The following ANKRD31 variants were observed in gnomAD, a reference collection of about 807,000 sequenced individuals.
The protein encoded by ANKRD31 is ankyrin repeat domain-containing protein 31.
Under a neutral mutation model 186.0 loss-of-function variants are expected in ANKRD31, and 147 were observed. The ratio of observed to expected loss-of-function variants is 0.79; its 90% CI spans 0.69 to 0.91. The LOEUF is 0.91. Ranked by LOEUF, ANKRD31 falls within the 40% of genes least tolerant of loss-of-function variation. ANKRD31 has a pLI of 0.00. For missense variants in ANKRD31, 1,986 were observed against 2,148.8 expected (o/e 0.92, Z 1.50); for synonymous variants, 673 against 736.4 (o/e 0.91, Z 1.39).
At chr5:75,194,229 T>C (rs1580532062) in intron 7 of ANKRD31, among the ~76,000 whole-genome samples, 2 of 152,270 alleles carry the variant, frequency 1.3e-5, no homozygotes, top group East Asian at 3.9e-4. Flanking sequence ...GCTGAGTAAA[T>C]GAGTATATTA....
intron 11 of ANKRD31, among the ~76,000 whole-genome samples, chr5:75,158,770 C>T (rs1242184545): frequency 1.3e-5 from 2 of 151,952 alleles, no homozygotes; most frequent in Admixed American, 1.3e-4. Flanking sequence ...CCAGCCTGGG[C>T]AACAGAGTGA....
intron 4 of ANKRD31, among the ~76,000 whole-genome samples, chr5:75,207,357 AC>A (rs1212892048): frequency 6.6e-6 from 1 of 152,172 alleles, no homozygotes; most frequent in African/African-American, 2.4e-5. Context: ...TTTTTTAAGA[AC>A]AAGCTGAAAG....
chr5:75,153,283 G>T (rs915216577), intron 12 of ANKRD31, among the ~76,000 whole-genome samples: 2 of 152,096 alleles, frequency 1.3e-5, no homozygotes, highest in African/African-American at 4.8e-5. Flanking sequence ...CAGTTAAACT[G>T]CTCCCAGAAT....
At chr5:75,072,723 A>G (rs1561390568) in intron 25 of ANKRD31, among the ~76,000 whole-genome samples, 1 of 152,216 alleles carries the variant, frequency 6.6e-6, no homozygotes, top group East Asian at 1.9e-4. Context: ...GCACAGAGAG[A>G]TCACGAATAT....
At chr5:75,070,344 C>T (rs1744123372) in intron 25 of ANKRD31, among the ~76,000 whole-genome samples, 1 of 152,080 alleles carries the variant, frequency 6.6e-6, no homozygotes, top group African/African-American at 2.4e-5. Context: ...TGGTCTTTTC[C>T]TCTATAAGAT....
rs776217270 is a variant in ANKRD31, at chr5:75,147,337, C to A, written c.2074G>T (p.Gly692Cys). 7 of 1,532,572 alleles carry A rather than the reference C, an allele frequency of 4.6e-6. No individual in the cohort carries two copies. The South Asian group carries it at 8.4e-5, about 18-fold the overall frequency. The allele number at this position is 1,532,572 out of a possible 1,614,324, so 94.9% of individuals were successfully genotyped here. ...GTTGATTGTTTATGCTTGGATTTACCAAATTTTGTGTTTTTGGGATCTTTT... is the reference window on the plus strand; with the variant it reads ...GTTGATTGTTTATGCTTGGATTTACAAAATTTTGTGTTTTTGGGATCTTTT... ...YQKDPKNTKF[G>C]KSKHKQSTLD... The change falls in exon 14 of 26, where the codon GGT (glycine) becomes TGT (cysteine). Residue 692 changes from glycine to cysteine, a missense_variant. Physicochemically the swap from Gly to Cys is radical, Grantham distance 159. Transcript: ENST00000506364.
intron 17 of ANKRD31, among the ~76,000 whole-genome samples, chr5:75,131,584 C>A (rs979654405): frequency 2.0e-5 from 3 of 152,206 alleles, no homozygotes; most frequent in Non-Finnish European, 4.4e-5. Flanking sequence ...CCTCTGGGGG[C>A]AAGGCATAGC....
intron 1 of ANKRD31, 89 bp downstream of exon 1, chr5:75,236,494 G>A (rs1156397762): frequency 9.3e-6 from 10 of 1,071,130 alleles, no homozygotes; most frequent in Non-Finnish European, 5.3e-6. Context: ...TTCTGGTCAC[G>A]ATCTCCACTC....
At chr5:75,095,401 C>T (rs568026256) in intron 22 of ANKRD31, among the ~76,000 whole-genome samples, 1 of 151,662 alleles carries the variant, frequency 6.6e-6, no homozygotes, top group Non-Finnish European at 1.5e-5. Flanking sequence ...ATGAACCCGG[C>T]AGGCAGAGCT....
intron 23 of ANKRD31, among the ~76,000 whole-genome samples, chr5:75,089,532 C>T (rs1745768449): frequency 6.6e-6 from 1 of 152,080 alleles, no homozygotes; most frequent in Admixed American, 6.6e-5. Context: ...GGAGTTACTC[C>T]AAGACAAGAA....
In ANKRD31 at chr5:75,080,590, A is replaced by C. The variant is rs763841898; in HGVS notation, c.5625T>G (p.Phe1875Leu). Residue 1875 changes from phenylalanine (F) to leucine (L), a missense_variant, in exon 25 of 26, where the codon TTT becomes TTG. Transcript: ENST00000506364. The stretch of plus-strand genomic sequence containing the variant: ...TACCTTGTCCAAATTTTGTTTTCTC[A>C]AACATTGATTTGTTTGGTTCCTGTA... Reference protein sequence around the residue: ...DPVQEPNKSMFEKTKFGQGTS... With the variant: ...DPVQEPNKSMLEKTKFGQGTS... 1 of 1,530,310 alleles carries C rather than the reference A, an allele frequency of 6.5e-7. No individual in the cohort carries two copies. Among genetic ancestry groups the C allele is most frequent in the Non-Finnish European group, 8.7e-7 (1 of 1,144,746 alleles). The allele number at this position is 1,530,310 out of a possible 1,614,324, so 94.8% of individuals were successfully genotyped here. A position where few individuals can be genotyped will look rare whatever the true frequency, so the allele number is the denominator to read the frequency against.
chr5:75,140,535 A>C (rs903205565), intron 15 of ANKRD31, among the ~76,000 whole-genome samples: 2 of 152,184 alleles, frequency 1.3e-5, no homozygotes, highest in African/African-American at 4.8e-5. Context: ...GATCCTCACC[A>C]TCTGGTATTT....
At chr5:75,129,873 T>C (rs1451268747) in intron 17 of ANKRD31, among the ~76,000 whole-genome samples, 1 of 152,210 alleles carries the variant, frequency 6.6e-6, no homozygotes, top group Non-Finnish European at 1.5e-5. Flanking sequence ...GGGAATTCCC[T>C]TTCCTAGCCA....
intron 2 of ANKRD31, among the ~76,000 whole-genome samples, chr5:75,225,272 T>C (rs1202346915): frequency 1.3e-5 from 2 of 152,190 alleles, no homozygotes; most frequent in Non-Finnish European, 2.9e-5. Flanking sequence ...ATTCATTAAA[T>C]AGGGTACATT....
intron 4 of ANKRD31, among the ~76,000 whole-genome samples, chr5:75,208,001 T>A (rs541864178): frequency 2.6e-5 from 4 of 152,222 alleles, no homozygotes; most frequent in Non-Finnish European, 5.9e-5. Flanking sequence ...ATGTATAAAT[T>A]TTTAAATGAC....
intron 12 of ANKRD31, among the ~76,000 whole-genome samples, chr5:75,153,324 C>A (rs1299996725): frequency 6.6e-6 from 1 of 152,066 alleles, no homozygotes; most frequent in African/African-American, 2.4e-5. Context: ...TGAGATAAAA[C>A]ATGTTTGTTG....
intron 24 of ANKRD31, among the ~76,000 whole-genome samples, chr5:75,083,157 T>G (rs974121372): frequency 6.6e-6 from 1 of 152,210 alleles, no homozygotes; most frequent in African/African-American, 2.4e-5. Flanking sequence ...TGAAGGTAAT[T>G]TGATCCAATC....
At chr5:75,101,441 C>G (rs1580327379) in intron 22 of ANKRD31, among the ~76,000 whole-genome samples, 1 of 151,956 alleles carries the variant, frequency 6.6e-6, no homozygotes, top group African/African-American at 2.4e-5. Context: ...TTATGGTGTT[C>G]TCTGTATTTC....
At chr5:75,084,206 G>A (rs1745304054) in intron 24 of ANKRD31, 66 bp downstream of exon 24, 3 of 1,127,412 alleles carry the variant, frequency 2.7e-6, no homozygotes, top group Admixed American at 2.1e-5. Flanking sequence ...AATAAAATGA[G>A]TGCTTTTCCA....
Sources: gnomAD v4.1 joint callset for allele counts (sites outside exome capture counted in the v4.1 genomes callset) on GRCh38, gnomAD v4.1.1 for gene constraint, MANE v1.5 for transcripts, NCBI Gene and HGNC (gene_info 2026-07-23, HGNC 2026-07-21) for gene names.